EPHA6: variants seen among roughly 807,000 people sequenced by gnomAD.
The protein encoded by EPHA6 is ephrin type-A receptor 6.
A neutral mutation model predicts 112.0 loss-of-function variants in EPHA6; 50 were observed. That is an observed-to-expected ratio of 0.45 (90% confidence interval 0.36 to 0.56). The LOEUF (loss-of-function observed/expected upper bound fraction) is 0.56. Ranked by LOEUF, EPHA6 falls within the 20% of genes least tolerant of loss-of-function variation. The pLI is 0.00. For missense variants in EPHA6, 1,280 were observed against 1,417.4 expected, an observed-to-expected ratio of 0.90 and a Z score of 1.56; for synonymous variants, 529 against 490.7, an observed-to-expected ratio of 1.08 and a Z score of -1.03.
At position 96,917,866 on chromosome 3, in the gene EPHA6, C is replaced by G. The variant is rs539770965; in HGVS notation, c.450+50977C>G. ...TCATGAAAAAATAGTGTTATGACACCCCCAAAGGATAATAGAAGCTCCATA... is the reference window on the plus strand; with the variant it reads ...TCATGAAAAAATAGTGTTATGACACGCCCAAAGGATAATAGAAGCTCCATA... On this transcript the variant is annotated intron_variant, in intron 2 of 17. Coordinates refer to ENST00000389672, the MANE Select transcript of EPHA6 (RefSeq NM_001080448.3). 9.3e-4 allele frequency among the ~76,000 whole-genome samples: 141 copies of G among 152,018 alleles called. 1 individual carries two copies. The highest frequency in any genetic ancestry group is 2.8e-3 in the African/African-American group (118 of 41,458).
At position 97,576,295 on chromosome 3, in the gene EPHA6, C is replaced by T. The variant is rs550029587; in HGVS notation, c.2387-16317C>T. Among the ~76,000 whole-genome samples the T allele has an allele frequency of 4.3e-3, 618 of 145,322 alleles. 4 individuals are homozygous for T. The highest frequency in any genetic ancestry group is 0.015 in the African/African-American group (558 of 37,270). On this transcript the variant is annotated intron_variant, in intron 11 of 17. Coordinates refer to ENST00000389672, the MANE Select transcript of EPHA6 (RefSeq NM_001080448.3). ...AAAAAGTTGTTTATTCATTTTTTTT[C>T]CTTGATCAGTCCAGGGAGCAACTAC...
intron 5 of EPHA6, among the ~76,000 whole-genome samples, chr3:97,362,409 A>G (rs2108939521): frequency 6.6e-6 from 1 of 152,246 alleles, no homozygotes; most frequent in East Asian, 1.9e-4. Flanking sequence ...TGCGATATTT[A>G]GAATTAAAAT....
At chr3:97,204,298 A>G (rs1223420769) in intron 3 of EPHA6, among the ~76,000 whole-genome samples, 2 of 152,112 alleles carry the variant, frequency 1.3e-5, no homozygotes, top group Non-Finnish European at 2.9e-5. Flanking sequence ...TCATATATAA[A>G]TGAATCATTA....
intron 3 of EPHA6, among the ~76,000 whole-genome samples, chr3:97,168,038 G>C (rs1360087336): frequency 6.6e-6 from 1 of 151,852 alleles, no homozygotes; most frequent in Non-Finnish European, 1.5e-5. Flanking sequence ...TTAGTAAAGA[G>C]AATTCACTTA....
intron 3 of EPHA6, among the ~76,000 whole-genome samples, chr3:97,148,273 C>T (rs1485953602): frequency 6.6e-6 from 1 of 151,894 alleles, no homozygotes; most frequent in South Asian, 2.1e-4. Context: ...AGTTCAAGAC[C>T]AGCCTGGACA....
intron 11 of EPHA6, among the ~76,000 whole-genome samples, chr3:97,539,126 T>TTTTC (rs566999746): frequency 8.3e-5 from 12 of 145,318 alleles, no homozygotes; most frequent in East Asian, 6.0e-4. Flanking sequence ...CTTTCTTTCT[T>TTTTC]TTTCTTTCTT....
At chr3:97,401,897 T>C (rs925462089) in intron 5 of EPHA6, among the ~76,000 whole-genome samples, 5 of 151,988 alleles carry the variant, frequency 3.3e-5, no homozygotes, top group Non-Finnish European at 5.9e-5. Flanking sequence ...AAATGTGTAA[T>C]TTCTTTCCTG....
At chr3:97,054,049 G>A (rs996064508) in intron 3 of EPHA6, among the ~76,000 whole-genome samples, 2 of 151,788 alleles carry the variant, frequency 1.3e-5, no homozygotes, top group African/African-American at 4.8e-5. Context: ...TTCATGGCTA[G>A]GTAGTAACCA....
intron 14 of EPHA6, among the ~76,000 whole-genome samples, chr3:97,678,574 G>A (rs2107676080): frequency 6.6e-6 from 1 of 152,274 alleles, no homozygotes; most frequent in South Asian, 2.1e-4. Flanking sequence ...CCCCTGCTGT[G>A]AAAGCAGAGA....
intron 1 of EPHA6, among the ~76,000 whole-genome samples, chr3:96,863,135 T>C (rs1210833281): frequency 6.6e-6 from 1 of 152,058 alleles, no homozygotes; most frequent in Non-Finnish European, 1.5e-5. Flanking sequence ...AATAATTGTA[T>C]TTTCATTTGT....
At chr3:97,711,899 G>A (rs535461655) in intron 14 of EPHA6, among the ~76,000 whole-genome samples, 1 of 152,244 alleles carries the variant, frequency 6.6e-6, no homozygotes, top group African/African-American at 2.4e-5. Context: ...ATTAATCATT[G>A]CTTTGTATTA....
At chr3:97,021,273 C>A (rs938857209) in intron 3 of EPHA6, among the ~76,000 whole-genome samples, 1 of 151,532 alleles carries the variant, frequency 6.6e-6, no homozygotes, top group Non-Finnish European at 1.5e-5. Context: ...TCTTTTGCTT[C>A]GTTTTATCTT....
intron 1 of EPHA6, among the ~76,000 whole-genome samples, chr3:96,826,223 G>A (rs1241744350): frequency 1.3e-5 from 2 of 151,832 alleles, no homozygotes; most frequent in South Asian, 2.1e-4. Flanking sequence ...TATTTACTTA[G>A]GCTGTCAGAA....
chr3:97,376,412 A>G (rs1314130775), intron 5 of EPHA6, among the ~76,000 whole-genome samples: 1 of 152,236 alleles, frequency 6.6e-6, no homozygotes, highest in Non-Finnish European at 1.5e-5. Flanking sequence ...CACATGTTCC[A>G]GTTTCTCTTT....
intron 4 of EPHA6, among the ~76,000 whole-genome samples, chr3:97,227,269 G>A (rs1407452903): frequency 6.6e-6 from 1 of 150,752 alleles, no homozygotes; most frequent in Admixed American, 6.6e-5. Flanking sequence ...AGTCCAGGCT[G>A]GAGTGCAGTG....
intron 10 of EPHA6, among the ~76,000 whole-genome samples, chr3:97,519,429 G>C: frequency 6.6e-6 from 1 of 152,176 alleles, no homozygotes; most frequent in Admixed American, 6.5e-5. Flanking sequence ...GATGCCTTCA[G>C]CTTTATTCTT....
intron 4 of EPHA6, 144 bp from the exon 5 acceptor site, chr3:97,243,808 C>T: frequency 1.6e-6 from 1 of 608,580 alleles, no homozygotes; most frequent in Non-Finnish European, 2.8e-6. Context: ...CTATTTTAAC[C>T]ATGTGATCAT....
chr3:97,102,809 G>T (rs1313153517), intron 3 of EPHA6, among the ~76,000 whole-genome samples: 2 of 151,606 alleles, frequency 1.3e-5, no homozygotes, highest in South Asian at 2.1e-4. Flanking sequence ...TGGCTTTTTA[G>T]TAATAGCCAT....
At chr3:97,174,516 A>G (rs780707569) in intron 3 of EPHA6, among the ~76,000 whole-genome samples, 3 of 151,932 alleles carry the variant, frequency 2.0e-5, no homozygotes, top group Admixed American at 6.6e-5. Flanking sequence ...ATTCCCACAC[A>G]GTATGCAAGG....
Sources: allele counts gnomAD v4.1 joint callset (sites outside exome capture counted in the v4.1 genomes callset), GRCh38; gene constraint gnomAD v4.1.1; transcripts MANE v1.5; gene names NCBI Gene and HGNC (gene_info 2026-07-23, HGNC 2026-07-21).